The following CDK12 variants were observed in gnomAD, a reference collection of about 807,000 sequenced individuals.
The protein encoded by CDK12 is cyclin dependent kinase 12.
A neutral mutation model predicts 133.8 loss-of-function variants in CDK12; 17 were observed. That is an observed-to-expected ratio of 0.13 (90% CI 0.09 to 0.19). CDK12 has a LOEUF of 0.19. CDK12 is among the 10% of genes least tolerant of loss of function. The pLI, the probability that CDK12 is intolerant of heterozygous loss-of-function variation, is 1.00. For missense variants in CDK12, 1,508 were observed against 1,818.7 expected, an observed-to-expected ratio of 0.83 and a Z score of 3.11; for synonymous variants, 694 against 683.6, an observed-to-expected ratio of 1.02 and a Z score of -0.24.
intron 2 of CDK12, among the ~76,000 whole-genome samples, chr17:39,477,775 G>A (rs1197354650): frequency 9.2e-5 from 14 of 151,462 alleles, no homozygotes; most frequent in African/African-American, 2.9e-4. Context: ...GGGTTTCGCC[G>A]TGTTAGCCAG....
At chr17:39,489,954 C>T (rs1038187810) in intron 2 of CDK12, among the ~76,000 whole-genome samples, 14 of 151,470 alleles carry the variant, frequency 9.2e-5, no homozygotes, top group African/African-American at 3.4e-4. Flanking sequence ...TTTATTTCAT[C>T]TCAATAAAAC....
chr17:39,473,075 TAA>T (rs796227047), intron 2 of CDK12, among the ~76,000 whole-genome samples: 3 of 140,062 alleles, frequency 2.1e-5, no homozygotes, highest in Admixed American at 1.4e-4. Context: ...GACTCCGTCT[TAA>T]AAAAAAAAAA....
At chr17:39,520,140 G>A (rs1221316735) in intron 11 of CDK12, 53 bp downstream of exon 11, 4 of 1,593,960 alleles carry the variant, frequency 2.5e-6, no homozygotes, top group African/African-American at 1.3e-5. Context: ...GGCCTTAGAC[G>A]ATGAGAAACT....
chr17:39,515,485 C>T (rs1567764738), intron 8 of CDK12, among the ~76,000 whole-genome samples: 1 of 152,152 alleles, frequency 6.6e-6, no homozygotes, highest in Non-Finnish European at 1.5e-5. Context: ...AGACTCTTGA[C>T]TCCCTTTCTC....
intron 13 of CDK12, among the ~76,000 whole-genome samples, chr17:39,527,965 G>A (rs1210647578): frequency 6.6e-6 from 1 of 151,854 alleles, no homozygotes; most frequent in East Asian, 1.9e-4. Flanking sequence ...ACCCAGGCTG[G>A]AATGCAATGG....
intron 4 of CDK12, among the ~76,000 whole-genome samples, chr17:39,493,667 A>C (rs953262430): frequency 2.0e-5 from 3 of 151,970 alleles, no homozygotes. Context: ...TATTGAGTAG[A>C]TCAAAGGTTT....
intron 6 of CDK12, among the ~76,000 whole-genome samples, chr17:39,502,519 C>T (rs998269099): frequency 8.5e-5 from 13 of 152,156 alleles, no homozygotes; most frequent in African/African-American, 2.9e-4. Flanking sequence ...CATTTCCCCT[C>T]TTTATGGTGT....
chr17:39,492,611 A>C (rs966892950), intron 3 of CDK12, 140 bp from the exon 4 acceptor site: 2 of 485,104 alleles, frequency 4.1e-6, no homozygotes, highest in African/African-American at 4.7e-5. Flanking sequence ...GGGTTTCACC[A>C]TGTTAGCCAG....
chr17:39,538,943 A>ACAT (rs1555582858), downstream of CDK12, among the ~76,000 whole-genome samples: 1 of 152,060 alleles, frequency 6.6e-6, no homozygotes, highest in African/African-American at 2.4e-5. Flanking sequence ...ATACATACAT[A>ACAT]CATACATACA....
At chr17:39,546,688 C>T (rs2055723620), upstream of CDK12, 1 of 152,246 alleles carries the variant, frequency 6.6e-6, no homozygotes, top group African/African-American at 2.4e-5. Context: ...AGCCTGCTTC[C>T]TTCATCCCCA....
intron 3 of CDK12, among the ~76,000 whole-genome samples, chr17:39,564,490 G>C (rs1177507819): frequency 6.6e-6 from 1 of 152,158 alleles, no homozygotes; most frequent in Non-Finnish European, 1.5e-5. Context: ...GCTGGTCTTG[G>C]AGGACAAACC....
At chr17:39,540,399 C>G (rs1320165562) in intron 1 of CDK12, among the ~76,000 whole-genome samples, 1 of 152,204 alleles carries the variant, frequency 6.6e-6, no homozygotes, top group African/African-American at 2.4e-5. Flanking sequence ...GATAGTGGAG[C>G]ATGCACCATG....
At chr17:39,528,748 C>CA (rs1360534361) in intron 13 of CDK12, among the ~76,000 whole-genome samples, 2 of 152,058 alleles carry the variant, frequency 1.3e-5, no homozygotes, top group African/African-American at 4.8e-5. Context: ...AGTTTGAATA[C>CA]AAAAAAATGG....
intron 6 of CDK12, among the ~76,000 whole-genome samples, chr17:39,504,436 G>A (rs945404110): frequency 6.6e-6 from 1 of 152,136 alleles, no homozygotes; most frequent in Admixed American, 6.6e-5. Flanking sequence ...GATGATGCAG[G>A]CAAATTATAA....
chr17:39,465,998 C>G (rs2049277099), intron 1 of CDK12, among the ~76,000 whole-genome samples: 3 of 152,032 alleles, frequency 2.0e-5, no homozygotes, highest in Admixed American at 6.6e-5. Context: ...AACAGCATAT[C>G]TCATGTTCTC....
At chr17:39,546,453 G>C (rs1276131901), upstream of CDK12, among the ~76,000 whole-genome samples, 1 of 152,104 alleles carries the variant, frequency 6.6e-6, no homozygotes, top group East Asian at 1.9e-4. Context: ...CAAAGTGCTG[G>C]GATTACAGGT....
At chr17:39,558,705 G>A (rs1386164728) in intron 3 of CDK12, among the ~76,000 whole-genome samples, 1 of 152,162 alleles carries the variant, frequency 6.6e-6, no homozygotes, top group Admixed American at 6.5e-5. Flanking sequence ...GTGCAATGGT[G>A]CAGTCTCGGC....
At chr17:39,466,469 C>G (rs1294699873) in intron 1 of CDK12, among the ~76,000 whole-genome samples, 3 of 151,110 alleles carry the variant, frequency 2.0e-5, no homozygotes, top group Middle Eastern at 3.4e-3. Context: ...ACAAAATTAG[C>G]TGGGCGTGGT....
In CDK12 at chr17:39,531,709, T is replaced by TG. The variant is rs1280535821; in HGVS notation, c.*398dup. 1.6e-5 allele frequency: 4 copies of TG among 245,600 alleles called. No homozygotes were observed. In the East Asian group the frequency reaches 1.8e-4, roughly 11 times the overall value. The allele number at this position is 245,600 out of a possible 1,614,324, so 15.2% of individuals were successfully genotyped here. ...CTCTTTGATTTTTAAAGTTTTGGGG[T>TG]GGGGGATTGTGTGTGGTTTCTTTCT... is the stretch of plus-strand genomic sequence containing the variant. On this transcript the variant is annotated 3_prime_UTR_variant, in exon 14 of 14. Coordinates refer to ENST00000447079, the MANE Select transcript of CDK12 (RefSeq NM_016507.4).
Sources: allele counts gnomAD v4.1 joint callset (sites outside exome capture counted in the v4.1 genomes callset), GRCh38; gene constraint gnomAD v4.1.1; transcripts MANE v1.5; gene names NCBI Gene and HGNC (gene_info 2026-07-23, HGNC 2026-07-21).